The following CPM variants were observed in gnomAD, a reference collection of about 807,000 sequenced individuals.
CPM encodes the protein carboxypeptidase M, also known as renal carboxypeptidase.
Under a neutral mutation model 46.4 loss-of-function variants are expected in CPM, and 35 were observed. The observed-to-expected ratio is 0.75, with a 90% CI of 0.58 to 1.00. The LOEUF (loss-of-function observed/expected upper bound fraction) is 1.00. CPM is among the 50% of genes least tolerant of loss of function. The pLI is 0.00. For missense variants in CPM, 422 were observed against 530.4 expected (o/e 0.80, Z 2.01); for synonymous variants, 195 against 195.3 (o/e 1.00, Z 0.01).
At position 68,867,158 on chromosome 12, in the gene CPM, A is replaced by AT; in HGVS notation, c.788-111dup. On this transcript the variant is annotated intron_variant, in intron 6 of 8. Transcript: ENST00000551568. ...GACAGCTACATGTAAACAGGAAAAA[A>AT]TGAATTTGACATATTAGCTTGTAAA... is the stretch of plus-strand genomic sequence containing the variant. 4.5e-6 allele frequency: 5 copies of AT among 1,102,702 alleles called. No individual in the cohort carries two copies. In the South Asian group the frequency reaches 5.4e-5, roughly 12 times the overall value. The allele number at this position is 1,102,702 out of a possible 1,614,324, so 68.3% of individuals were successfully genotyped here. A position where few individuals can be genotyped will look rare whatever the true frequency, so the allele number is the denominator to read the frequency against.
intron 2 of CPM, among the ~76,000 whole-genome samples, chr12:68,923,727 A>T (rs1428407408): frequency 6.6e-6 from 1 of 152,198 alleles, no homozygotes; most frequent in East Asian, 1.9e-4. Flanking sequence ...AAGAAATCAC[A>T]TGCTTGTATC....
intron 7 of CPM, among the ~76,000 whole-genome samples, chr12:68,865,384 C>T (rs1002197498): frequency 6.6e-5 from 10 of 152,122 alleles, no homozygotes; most frequent in African/African-American, 2.2e-4. Context: ...GGCATGGAGG[C>T]TGGGGATACA....
rs751932785 is a variant in CPM at position 68,866,904 on chromosome 12, A to G, written c.932T>C (p.Val311Ala). Residue 311 changes from valine to alanine, a missense_variant, in exon 7 of 9, where the codon GTG (valine) becomes GCG (alanine). Physicochemically the swap from Val to Ala is moderately conservative, Grantham distance 64. Transcript: ENST00000551568. ...KASLIEYIKQVHLGVKGQVFD... is the reference protein window; with the variant it reads ...KASLIEYIKQAHLGVKGQVFD... ...AAGAAAATTTTACAAACCTAGGTGC[A>G]CCTGCTTTATATATTCAATTAATGA... 9.3e-6 allele frequency: 15 copies of G among 1,612,116 alleles called. No individual in the cohort carries two copies. The African/African-American group carries it at 1.7e-4, about 19-fold the overall frequency.
chr12:68,871,098 T>C (rs914973405), intron 4 of CPM, among the ~76,000 whole-genome samples: 1 of 152,160 alleles, frequency 6.6e-6, no homozygotes, highest in Admixed American at 6.5e-5. Flanking sequence ...TCTGAGAAAT[T>C]CCAAACCTCC....
At chr12:68,914,041 A>G in intron 2 of CPM, 2 of 698,832 alleles carry the variant, frequency 2.9e-6, no homozygotes, top group South Asian at 1.4e-5. Flanking sequence ...TCACTATTCC[A>G]TTCCTCAGGT....
chr12:68,845,654 C>G (rs1365134895), intron 5 of CPM: 2 of 175,048 alleles, frequency 1.1e-5, no homozygotes, highest in African/African-American at 4.7e-5. Flanking sequence ...TGTTTCAGTC[C>G]TACAATCCCA....
chr12:68,909,792 A>G (rs1887506368), intron 2 of CPM, among the ~76,000 whole-genome samples: 1 of 141,452 alleles, frequency 7.1e-6, no homozygotes, highest in Non-Finnish European at 1.5e-5. Context: ...CAACGAGAAC[A>G]CATGGACACA....
At chr12:68,857,534 T>C (rs1406971389) in intron 8 of CPM, among the ~76,000 whole-genome samples, 1 of 152,152 alleles carries the variant, frequency 6.6e-6, no homozygotes, top group African/African-American at 2.4e-5. Context: ...CTTTCTTTTT[T>C]TTTTTAGTGG....
At chr12:68,857,754 T>C (rs1474806109) in intron 8 of CPM, among the ~76,000 whole-genome samples, 2 of 152,222 alleles carry the variant, frequency 1.3e-5, no homozygotes, top group African/African-American at 4.8e-5. Flanking sequence ...CAATGTGTAC[T>C]GTGTTAGTCT....
intron 2 of CPM, among the ~76,000 whole-genome samples, chr12:68,906,575 T>C (rs1408905135): frequency 6.6e-6 from 1 of 152,078 alleles, no homozygotes; most frequent in African/African-American, 2.4e-5. Flanking sequence ...CCGCAGCCTC[T>C]GCCTCCTGGG....
At chr12:68,899,797 T>C (rs1369820317) in intron 2 of CPM, among the ~76,000 whole-genome samples, 1 of 152,250 alleles carries the variant, frequency 6.6e-6, no homozygotes, top group Admixed American at 6.5e-5. Flanking sequence ...TGAGTTATTA[T>C]TTTTAGTTTA....
intron 1 of CPM, among the ~76,000 whole-genome samples, chr12:68,960,848 T>A (rs1889099594): frequency 6.6e-6 from 1 of 152,200 alleles, no homozygotes; most frequent in South Asian, 2.1e-4. Context: ...GAATTAACGA[T>A]TCTGCACCTA....
chr12:68,912,562 C>T (rs1592688373), intron 2 of CPM, among the ~76,000 whole-genome samples: 2 of 152,134 alleles, frequency 1.3e-5, no homozygotes, highest in Admixed American at 6.5e-5. Context: ...TAAGAAAAGG[C>T]GTTATTAAAC....
In CPM at chr12:68,853,965, T is replaced by C. The variant is rs1207656709; in HGVS notation, c.*2472A>G. The C allele has an allele frequency of 4.0e-5, 6 of 151,862 alleles. No homozygotes were observed. Among genetic ancestry groups the C allele is most frequent in the Non-Finnish European group, 5.9e-5 (4 of 67,962 alleles). 9.4% of individuals were successfully genotyped at this position (151,862 alleles called of 1,614,324 possible). A position where few individuals can be genotyped will look rare whatever the true frequency, so the allele number is the denominator to read the frequency against. ...GTAACGGTCTAATACAGGGTAACTC[T>C]CATAGTGGAGAACTTGAGAAGCATT... On this transcript the variant is annotated 3_prime_UTR_variant, in exon 9 of 9. Coordinates refer to ENST00000551568, the MANE Select transcript of CPM (RefSeq NM_198320.5).
In CPM at chr12:68,884,263, C is replaced by T. The variant is rs77134247; in HGVS notation, c.258+1529G>A. 6.5e-3 allele frequency among the ~76,000 whole-genome samples: 989 copies of T among 152,250 alleles called. 12 individuals are homozygous for T. Among genetic ancestry groups the T allele is most frequent in the African/African-American group, 0.023 (936 of 41,550 alleles). On this transcript the variant is annotated intron_variant, in intron 3 of 8. Transcript: ENST00000551568. ...CTAACTTTGGTCAGACTCCTTGCAA[C>T]GTAGTCTTTTTTAAAGAAGCCGCCC...
intron 2 of CPM, among the ~76,000 whole-genome samples, chr12:68,908,396 CTT>C (rs552096776): frequency 5.7e-5 from 8 of 140,898 alleles, no homozygotes; most frequent in Non-Finnish European, 6.2e-5. Context: ...CAGGACACAG[CTT>C]TTTTTTTTTT....
chr12:68,954,349 A>T (rs961436056), intron 1 of CPM, among the ~76,000 whole-genome samples: 6 of 152,002 alleles, frequency 3.9e-5, no homozygotes, highest in African/African-American at 1.5e-4. Flanking sequence ...GTTGCCAAAG[A>T]CCTCCAAGGA....
chr12:68,963,089 A>T (rs1889149305), intron 1 of CPM: 1 of 153,220 alleles, frequency 6.5e-6, no homozygotes, highest in African/African-American at 2.4e-5. Context: ...TAAACTTTCT[A>T]CATTGATCGG....
chr12:68,916,888 C>CAA (rs779418018), intron 2 of CPM, among the ~76,000 whole-genome samples: 53 of 81,840 alleles, frequency 6.5e-4, no homozygotes, highest in Admixed American at 7.1e-4. Context: ...ACTCTTGTCT[C>CAA]AAAAAAAAAA....
Sources: gnomAD v4.1 joint callset for allele counts (sites outside exome capture counted in the v4.1 genomes callset) on GRCh38, gnomAD v4.1.1 for gene constraint, MANE v1.5 for transcripts, NCBI Gene and HGNC (gene_info 2026-07-23, HGNC 2026-07-21) for gene names.